The following LRP1B variants were observed in gnomAD, a reference collection of about 807,000 sequenced individuals.
LRP1B encodes the protein LDL receptor related protein 1B, also known as low-density lipoprotein receptor-related protein 1B.
A neutral mutation model predicts 556.6 loss-of-function variants in LRP1B; 217 were observed. That is an observed-to-expected ratio of 0.39 (90% CI 0.35 to 0.44). The LOEUF (loss-of-function observed/expected upper bound fraction) is 0.44, where lower values mean the gene tolerates loss of function less well. LRP1B is among the 20% of genes least tolerant of loss of function. The pLI, the probability that LRP1B is intolerant of heterozygous loss-of-function variation, is 1.00. For synonymous variants in LRP1B, 2,047 were observed against 1,865.8 expected, an observed-to-expected ratio of 1.10 and a Z score of -2.50; for missense variants, 5,053 against 5,620.8, an observed-to-expected ratio of 0.90 and a Z score of 3.23.
intron 1 of LRP1B, among the ~76,000 whole-genome samples, chr2:141,936,526 C>T (rs1466793214): frequency 6.6e-6 from 1 of 152,182 alleles, no homozygotes; most frequent in Non-Finnish European, 1.5e-5. Context: ...TAAACCAACT[C>T]TGCCTTTAGA....
chr2:141,621,205 A>G (rs1366625553), intron 2 of LRP1B, among the ~76,000 whole-genome samples: 1 of 152,168 alleles, frequency 6.6e-6, no homozygotes, highest in Non-Finnish European at 1.5e-5. Context: ...CAATGCTCAT[A>G]TTGTTACTGA....
rs181611440 is a variant in LRP1B, at chr2:141,209,224, C to T, written c.850+19959G>A. Among the ~76,000 whole-genome samples, 299 of 152,252 alleles carry T rather than the reference C, an allele frequency of 2.0e-3. 2 individuals carry two copies. Among genetic ancestry groups the T allele is most frequent in the African/African-American group, 6.7e-3 (280 of 41,550 alleles). On this transcript the variant is annotated intron_variant, in intron 6 of 90. Coordinates refer to ENST00000389484, the MANE Select transcript of LRP1B (RefSeq NM_018557.3). ...TAATCCCCACCCGTCGTGGGAGGGA[C>T]CTGGTGGGAGGTAGTCGAATCATGA...
At chr2:141,176,073 T>C (rs926180848) in intron 7 of LRP1B, among the ~76,000 whole-genome samples, 5 of 152,128 alleles carry the variant, frequency 3.3e-5, no homozygotes, top group Non-Finnish European at 5.9e-5. Context: ...TGTACCTCCA[T>C]TGTATCTTGG....
intron 2 of LRP1B, among the ~76,000 whole-genome samples, chr2:141,520,843 A>G (rs917569374): frequency 3.9e-5 from 6 of 151,968 alleles, no homozygotes; most frequent in Non-Finnish European, 5.9e-5. Flanking sequence ...ATTGTCGCCC[A>G]GCTGCTTTTA....
intron 27 of LRP1B, among the ~76,000 whole-genome samples, chr2:140,857,957 T>C (rs1250239449): frequency 6.6e-6 from 1 of 152,080 alleles, no homozygotes; most frequent in Non-Finnish European, 1.5e-5. Flanking sequence ...AAAAAACATA[T>C]CAGGGAAGTT....
intron 35 of LRP1B, among the ~76,000 whole-genome samples, chr2:140,743,876 A>G (rs1688222164): frequency 6.9e-6 from 1 of 145,144 alleles, no homozygotes; most frequent in South Asian, 2.3e-4. Flanking sequence ...CTGAGGTAGT[A>G]GAATCACTTG....
intron 79 of LRP1B, among the ~76,000 whole-genome samples, chr2:140,330,872 G>A (rs551687489): frequency 5.3e-5 from 8 of 151,854 alleles, no homozygotes; most frequent in Admixed American, 1.3e-4. Context: ...AAATTTACAC[G>A]AAAAAACAAC....
intron 20 of LRP1B, among the ~76,000 whole-genome samples, chr2:140,946,713 A>G (rs1695559277): frequency 6.6e-6 from 1 of 152,324 alleles, no homozygotes; most frequent in South Asian, 2.1e-4. Flanking sequence ...TCTACCAAAA[A>G]GACACCCATA....
chr2:140,625,807 C>T (rs1683636656), intron 41 of LRP1B, among the ~76,000 whole-genome samples: 1 of 152,190 alleles, frequency 6.6e-6, no homozygotes, highest in South Asian at 2.1e-4. Flanking sequence ...CTTTGAAAGA[C>T]TGTGTTGTGG....
At chr2:141,657,489 T>A (rs1264335532) in intron 2 of LRP1B, among the ~76,000 whole-genome samples, 1 of 152,172 alleles carries the variant, frequency 6.6e-6, no homozygotes, top group Admixed American at 6.5e-5. Context: ...GGTATGATGA[T>A]CTATTAGAAT....
At chr2:141,136,177 A>C (rs17591536) in intron 7 of LRP1B, among the ~76,000 whole-genome samples, 19,305 of 151,878 alleles carry the variant, frequency 0.13, 1,315 homozygotes, top group Middle Eastern at 0.26. Flanking sequence ...GCGTATGAAT[A>C]GACATTCTGT....
At chr2:140,490,354 C>T (rs1688648095) in intron 57 of LRP1B, among the ~76,000 whole-genome samples, 2 of 151,990 alleles carry the variant, frequency 1.3e-5, no homozygotes, top group South Asian at 2.1e-4. Context: ...TATAGCTGAC[C>T]TTACTACAGT....
chr2:141,911,960 T>C (rs1699917647), intron 1 of LRP1B, among the ~76,000 whole-genome samples: 1 of 152,190 alleles, frequency 6.6e-6, no homozygotes, highest in Non-Finnish European at 1.5e-5. Flanking sequence ...CACACAAATT[T>C]ATTAGCAATT....
intron 32 of LRP1B, among the ~76,000 whole-genome samples, chr2:140,810,015 G>C (rs984654024): frequency 2.0e-5 from 3 of 152,124 alleles, no homozygotes; most frequent in Non-Finnish European, 4.4e-5. Context: ...AGAAAGCTAA[G>C]CTCTACTTAT....
At chr2:141,947,663 T>A (rs1180256170) in intron 1 of LRP1B, among the ~76,000 whole-genome samples, 2 of 152,068 alleles carry the variant, frequency 1.3e-5, no homozygotes. Flanking sequence ...CTTTAAGTAT[T>A]AGGATTCCTT....
chr2:140,869,703 T>A (rs565414414), intron 25 of LRP1B, among the ~76,000 whole-genome samples: 12 of 152,098 alleles, frequency 7.9e-5, no homozygotes, highest in African/African-American at 2.9e-4. Context: ...GTGTAAAAAA[T>A]GAGATAAAAA....
intron 3 of LRP1B, among the ~76,000 whole-genome samples, chr2:141,390,774 G>A (rs556700185): frequency 6.6e-6 from 1 of 152,226 alleles, no homozygotes; most frequent in South Asian, 2.1e-4. Flanking sequence ...TTAGGGGCTG[G>A]AGTGAGGGGA....
chr2:141,059,692 T>G (rs1043013158), intron 8 of LRP1B, among the ~76,000 whole-genome samples: 32 of 151,950 alleles, frequency 2.1e-4, no homozygotes, highest in African/African-American at 7.5e-4. Flanking sequence ...CAGTTTCTTT[T>G]GAGAATTATG....
chr2:140,784,729 TAA>T (rs57607357), intron 32 of LRP1B, among the ~76,000 whole-genome samples: 64,250 of 150,654 alleles, frequency 0.43, 13,882 homozygotes, highest in African/African-American at 0.49. Flanking sequence ...GAAGAAAAGG[TAA>T]AAAAAAAAAT....
Sources: allele counts gnomAD v4.1 joint callset (sites outside exome capture counted in the v4.1 genomes callset), GRCh38; gene constraint gnomAD v4.1.1; transcripts MANE v1.5; gene names NCBI Gene and HGNC (gene_info 2026-07-23, HGNC 2026-07-21).